Variants in DSTN observed in about 807,000 individuals in gnomAD.
DSTN encodes destrin, actin depolymerizing factor.
DSTN carries 10 observed loss-of-function variants against 16.8 expected under a neutral mutation model. The observed-to-expected ratio is 0.60, with a 90% CI of 0.37 to 1.01. The LOEUF is 1.01. Ranked by LOEUF, DSTN falls within the 50% of genes least tolerant of loss-of-function variation. The pLI, the probability that DSTN is intolerant of heterozygous loss-of-function variation, is 0.01. For synonymous variants in DSTN, 57 were observed against 58.9 expected (o/e 0.97, Z 0.14); for missense variants, 141 against 196.7 (o/e 0.72, Z 1.69).
intron 1 of DSTN, among the ~76,000 whole-genome samples, chr20:17,595,567 C>T (rs1035164886): frequency 1.3e-5 from 2 of 151,630 alleles, no homozygotes; most frequent in Non-Finnish European, 2.9e-5. Context: ...TGCAGTGAGC[C>T]GAGATGGTGC....
intron 1 of DSTN, among the ~76,000 whole-genome samples, chr20:17,593,027 T>C (rs2035486899): frequency 6.6e-6 from 1 of 152,214 alleles, no homozygotes; most frequent in Non-Finnish European, 1.5e-5. Context: ...TTTAAAAATA[T>C]CCAGTCTCCA....
intron 1 of DSTN, among the ~76,000 whole-genome samples, chr20:17,571,934 C>T (rs1026025765): frequency 1.3e-5 from 2 of 152,250 alleles, no homozygotes; most frequent in African/African-American, 2.4e-5. Flanking sequence ...ATCAAGAAGA[C>T]CTTACAAGTT....
chr20:17,600,691 C>A (rs1293702494), intron 1 of DSTN, 47 bp from the exon 2 acceptor site: 1 of 1,493,316 alleles, frequency 6.7e-7, no homozygotes, highest in East Asian at 2.3e-5. Flanking sequence ...TTATGTTTGG[C>A]ACAATAAAAA....
intron 2 of DSTN, among the ~76,000 whole-genome samples, chr20:17,602,483 A>G (rs1464119823): frequency 6.6e-6 from 1 of 152,182 alleles, no homozygotes; most frequent in Non-Finnish European, 1.5e-5. Flanking sequence ...GTAATTATGA[A>G]AAGTATGCAT....
rs1172912020 is a variant in DSTN, at chr20:17,608,047, G to A, written c.*901G>A. On this transcript the variant is annotated 3_prime_UTR_variant, in exon 4 of 4. Transcript: ENST00000246069. ...GCCTGGGAGAACTTAACTTTCTAGAGCAGTTTGTTGACTTGTGTGCAATGG... is the reference window on the plus strand; with the variant it reads ...GCCTGGGAGAACTTAACTTTCTAGAACAGTTTGTTGACTTGTGTGCAATGG... 2 of 152,162 alleles carry A rather than the reference G, an allele frequency of 1.3e-5. No individual in the cohort carries two copies. The highest frequency in any genetic ancestry group is 4.8e-5 in the African/African-American group (2 of 41,426). 9.4% of individuals were successfully genotyped at this position (152,162 alleles called of 1,614,324 possible). A position where few individuals can be genotyped will look rare whatever the true frequency, so the allele number is the denominator to read the frequency against.
At chr20:17,574,794 CTT>C (rs1295032770) in intron 1 of DSTN, among the ~76,000 whole-genome samples, 4 of 142,254 alleles carry the variant, frequency 2.8e-5, no homozygotes, top group African/African-American at 1.0e-4. Flanking sequence ...ACATGACTGA[CTT>C]TCTTTTCTTT....
intron 1 of DSTN, among the ~76,000 whole-genome samples, chr20:17,587,121 T>C (rs1219477195): frequency 6.6e-6 from 1 of 152,164 alleles, no homozygotes; most frequent in African/African-American, 2.4e-5. Flanking sequence ...AAGTTATCTT[T>C]ATTGCTGTTA....
In DSTN at chr20:17,570,144, G is replaced by A. The variant is rs940654709; in HGVS notation, c.-65G>A. 1 of 1,515,416 alleles carries A rather than the reference G, an allele frequency of 6.6e-7. No homozygotes were observed. The highest frequency in any genetic ancestry group is 8.8e-7 in the Non-Finnish European group (1 of 1,136,188). The allele number at this position is 1,515,416 out of a possible 1,614,324, so 93.9% of individuals were successfully genotyped here. On this transcript the variant is annotated 5_prime_UTR_variant, in exon 1 of 4. Coordinates refer to ENST00000246069, the MANE Select transcript of DSTN (RefSeq NM_006870.4). ...CTCTCGGTCCCGCAGCCGTGAGGAG[G>A]ACGGTCTGCATACTCGCTGCCCGCC...
intron 1 of DSTN, among the ~76,000 whole-genome samples, chr20:17,586,834 T>G (rs1443001462): frequency 2.0e-5 from 3 of 152,230 alleles, no homozygotes; most frequent in Non-Finnish European, 4.4e-5. Context: ...GAGTTAGCAG[T>G]ATGATAATTC....
chr20:17,601,011 G>T lies in DSTN; in HGVS notation c.277G>T (p.Glu93Ter). ...GTATGATGCAAGCTTTGAAACAAAA[G>T]AATCCAGAAAAGAAGAGTTGATGTT... ...ALYDASFETK[E>*]SRKEELMFFL... The change falls in exon 2 of 4, where the codon GAA becomes TAA. Residue 93 changes from glutamate (E) to a stop codon, truncating the protein, a stop_gained. Transcript: ENST00000246069. LOFTEE classifies it high-confidence loss of function. 1 of 1,603,836 alleles carries T rather than the reference G, an allele frequency of 6.2e-7. No homozygotes were observed. Among genetic ancestry groups the T allele is most frequent in the Non-Finnish European group, 8.5e-7 (1 of 1,175,214 alleles).
At chr20:17,602,222 C>T (rs1168340828) in intron 2 of DSTN, among the ~76,000 whole-genome samples, 3 of 152,140 alleles carry the variant, frequency 2.0e-5, no homozygotes, top group African/African-American at 4.8e-5. Flanking sequence ...GCTTAGAGTC[C>T]ATTGAAGCTG....
intron 2 of DSTN, among the ~76,000 whole-genome samples, chr20:17,603,460 G>A (rs1048511338): frequency 9.2e-5 from 14 of 152,114 alleles, no homozygotes; most frequent in African/African-American, 3.4e-4. Context: ...TAAGTCACAG[G>A]CTCCAAGAAC....
chr20:17,572,047 T>TA (rs2035212983), intron 1 of DSTN, among the ~76,000 whole-genome samples: 2 of 152,210 alleles, frequency 1.3e-5, no homozygotes, highest in Admixed American at 1.3e-4. Flanking sequence ...GATTAGAGAA[T>TA]ATTGTGGGTA....
Position 17,608,492 on chromosome 20 carries a change from T to A in DSTN, c.*1346T>A, listed in dbSNP as rs938836715. On this transcript the variant is annotated 3_prime_UTR_variant, in exon 4 of 4. Transcript: ENST00000246069. ...AAAAATAAACAAAATTAGCCGGGTG[T>A]GGTGGTGCACGTCAGTAGTCCCAGC... The A allele has an allele frequency of 2.0e-5, 3 of 151,804 alleles. No homozygotes were observed. The highest frequency in any genetic ancestry group is 2.9e-5 in the Non-Finnish European group (2 of 67,998). The allele number at this position is 151,804 out of a possible 1,614,324, so 9.4% of individuals were successfully genotyped here. A position where few individuals can be genotyped will look rare whatever the true frequency, so the allele number is the denominator to read the frequency against.
intron 1 of DSTN, among the ~76,000 whole-genome samples, chr20:17,573,050 A>G (rs1218065159): frequency 5.9e-5 from 9 of 152,204 alleles, no homozygotes; most frequent in Non-Finnish European, 1.5e-5. Context: ...TTATTTGAAA[A>G]TATGCAACAG....
At position 17,601,479 on chromosome 20, in the gene DSTN, A is replaced by G. The variant is rs541183175; in HGVS notation, c.311+434A>G. 7.9e-5 allele frequency among the ~76,000 whole-genome samples: 12 copies of G among 152,248 alleles called. No individual in the cohort carries two copies. In the East Asian group the frequency reaches 1.5e-3, roughly 20 times the overall value. ...TACTACTTTTGAAGAAATTGGTACC[A>G]TTCCCTCCCTGCTATAATTTGCTCT... On this transcript the variant is annotated intron_variant, in intron 2 of 3. Transcript: ENST00000246069.
chr20:17,608,436 G>C lies in DSTN; in HGVS notation c.*1290G>C, dbSNP rs1212780667. ...TTTGAGGCCAGGAGTTTGACAATCA[G>C]CGTGGGCAACATAGTGGGATCTCAT... On this transcript the variant is annotated 3_prime_UTR_variant, in exon 4 of 4. Transcript: ENST00000246069. The C allele has an allele frequency of 6.6e-6, 1 of 152,052 alleles. No homozygotes were observed. The highest frequency in any genetic ancestry group is 1.5e-5 in the Non-Finnish European group (1 of 68,028). 9.4% of individuals were successfully genotyped at this position (152,052 alleles called of 1,614,324 possible).
chr20:17,570,284 G>A (rs2035182580), intron 1 of DSTN, 73 bp downstream of exon 1: 6 of 1,411,074 alleles, frequency 4.3e-6, no homozygotes, highest in African/African-American at 1.5e-5. Flanking sequence ...CCGCGGAGTC[G>A]GGGCTAAGGG....
chr20:17,602,978 C>T (rs2035603194), intron 2 of DSTN, among the ~76,000 whole-genome samples: 1 of 152,138 alleles, frequency 6.6e-6, no homozygotes, highest in Non-Finnish European at 1.5e-5. Context: ...TGAGATCACG[C>T]CACTGCACTC....
Sources: allele counts gnomAD v4.1 joint callset (sites outside exome capture counted in the v4.1 genomes callset), GRCh38; gene constraint gnomAD v4.1.1; transcripts MANE v1.5; gene names NCBI Gene and HGNC (gene_info 2026-07-23, HGNC 2026-07-21).